Variants in FBXL2 observed in about 807,000 individuals in gnomAD.
FBXL2 encodes the protein F-box/LRR-repeat protein 2.
A neutral mutation model predicts 69.2 loss-of-function variants in FBXL2; 38 were observed. The observed-to-expected ratio is 0.55, with a 90% CI of 0.42 to 0.72. The LOEUF (loss-of-function observed/expected upper bound fraction) is 0.72, where lower values mean the gene tolerates loss of function less well. Ranked by LOEUF, FBXL2 falls within the 30% of genes least tolerant of loss-of-function variation. The pLI is 0.00. For synonymous variants in FBXL2, 192 were observed against 201.3 expected (o/e 0.95, Z 0.39); for missense variants, 354 against 520.3 (o/e 0.68, Z 3.11).
intron 2 of FBXL2, among the ~76,000 whole-genome samples, chr3:33,309,335 T>C (rs1175680475): frequency 1.3e-5 from 2 of 152,246 alleles, no homozygotes; most frequent in Non-Finnish European, 2.9e-5. Context: ...ATTCTATTGA[T>C]GAATTGATCC....
intron 2 of FBXL2, among the ~76,000 whole-genome samples, chr3:33,334,970 G>A (rs181499989): frequency 1.3e-5 from 2 of 152,104 alleles, no homozygotes. Flanking sequence ...GCATGGTGGT[G>A]CATACCTGTG....
chr3:33,321,712 G>A (rs2038237913), intron 2 of FBXL2, among the ~76,000 whole-genome samples: 1 of 152,186 alleles, frequency 6.6e-6, no homozygotes, highest in Non-Finnish European at 1.5e-5. Context: ...AGGCTGTATG[G>A]TATAGCGTGT....
intron 2 of FBXL2, among the ~76,000 whole-genome samples, chr3:33,343,423 T>C (rs577673750): frequency 6.6e-6 from 1 of 152,114 alleles, no homozygotes; most frequent in Admixed American, 6.5e-5. Context: ...TTTAGATTAA[T>C]AAAAAACTTT....
At chr3:33,400,958 T>A (rs2044205040) in intron 12 of FBXL2, 2 of 1,593,436 alleles carry the variant, frequency 1.3e-6, no homozygotes, top group East Asian at 4.6e-5. Context: ...AGAAAGATAC[T>A]TACTTCACCA....
At chr3:33,315,538 A>G (rs912951529) in intron 2 of FBXL2, among the ~76,000 whole-genome samples, 2 of 151,718 alleles carry the variant, frequency 1.3e-5, no homozygotes, top group East Asian at 1.9e-4. Context: ...GAGGGTCTAC[A>G]GGACTGGAAC....
At position 33,364,799 on chromosome 3, in the gene FBXL2, CTCT is replaced by C. The variant is rs558054986; in HGVS notation, c.290+87_290+89del. ...AAAAATAAACCAAGCCTATTACATGCTCTTCTTCTGTTAAAATTCTTTCTGTGG... is the reference window on the plus strand; with the variant it reads ...AAAAATAAACCAAGCCTATTACATGCTCTTCTGTTAAAATTCTTTCTGTGG... On this transcript the variant is annotated intron_variant, in intron 5 of 14. Transcript: ENST00000484457. 7.0e-5 allele frequency: 81 copies of C among 1,161,888 alleles called. No individual in the cohort carries two copies. In the East Asian group the frequency reaches 1.1e-3, roughly 15 times the overall value. 72.0% of individuals were successfully genotyped at this position (1,161,888 alleles called of 1,614,324 possible).
intron 13 of FBXL2, chr3:33,382,540 T>C (rs2043133716): frequency 6.6e-6 from 1 of 152,266 alleles, no homozygotes; most frequent in Non-Finnish European, 1.5e-5. Context: ...TTGTATATTG[T>C]TCATTCTCAC....
In FBXL2 at chr3:33,361,453, A is replaced by G. The variant is rs942997095; in HGVS notation, c.195+2096A>G. 5.9e-5 allele frequency among the ~76,000 whole-genome samples: 9 copies of G among 152,100 alleles called. No individual in the cohort carries two copies. The South Asian group carries it at 6.2e-4, about 11-fold the overall frequency. On this transcript the variant is annotated intron_variant, in intron 4 of 14. Transcript: ENST00000484457. ...CTGAGCCCAGGGGGCAGAGGTTGCA[A>G]TGAGCTCTGATTGTGCCATTGCACT...
At chr3:33,408,279 T>C (rs1230951943), downstream of FBXL2, among the ~76,000 whole-genome samples, 1 of 152,064 alleles carries the variant, frequency 6.6e-6, no homozygotes, top group Non-Finnish European at 1.5e-5. Context: ...AGTATACACA[T>C]GAGAAAGCAA....
intron 5 of FBXL2, among the ~76,000 whole-genome samples, chr3:33,367,888 C>T (rs963099827): frequency 6.6e-6 from 1 of 152,028 alleles, no homozygotes; most frequent in African/African-American, 2.4e-5. Context: ...AAAATTTATG[C>T]CACAAATTCT....
At chr3:33,309,331 T>C (rs2036987090) in intron 2 of FBXL2, among the ~76,000 whole-genome samples, 3 of 152,248 alleles carry the variant, frequency 2.0e-5, no homozygotes. Context: ...TTATATTCTA[T>C]TGATGAATTG....
At chr3:33,356,997 G>A (rs1220418656) in intron 2 of FBXL2, among the ~76,000 whole-genome samples, 2 of 152,118 alleles carry the variant, frequency 1.3e-5, no homozygotes, top group African/African-American at 4.8e-5. Flanking sequence ...GACTACCTGG[G>A]TTCAAATCCT....
chr3:33,385,147 T>A (rs1421054605), intron 14 of FBXL2, among the ~76,000 whole-genome samples: 1 of 152,196 alleles, frequency 6.6e-6, no homozygotes, highest in Non-Finnish European at 1.5e-5. Context: ...GCTTTTTCCA[T>A]ATAGTTCACC....
chr3:33,280,192 G>A (rs745532636), intron 1 of FBXL2, among the ~76,000 whole-genome samples: 1 of 152,112 alleles, frequency 6.6e-6, no homozygotes, highest in Non-Finnish European at 1.5e-5. Flanking sequence ...ATAAAGACAT[G>A]AATTAGATCA....
intron 1 of FBXL2, among the ~76,000 whole-genome samples, chr3:33,280,089 G>A (rs1213465331): frequency 6.6e-6 from 1 of 152,128 alleles, no homozygotes; most frequent in East Asian, 1.9e-4. Flanking sequence ...CCTGGCACTG[G>A]GTTAGATACT....
At chr3:33,346,111 C>T (rs2040412781) in intron 2 of FBXL2, among the ~76,000 whole-genome samples, 1 of 152,082 alleles carries the variant, frequency 6.6e-6, no homozygotes, top group Admixed American at 6.5e-5. Flanking sequence ...CTTGTAATCC[C>T]AGCTACTTGG....
chr3:33,362,797 C>CT (rs58449041), intron 4 of FBXL2, among the ~76,000 whole-genome samples: 3,747 of 144,654 alleles, frequency 0.026, 72 homozygotes, highest in Admixed American at 0.06. Flanking sequence ...TGTAGAGCTG[C>CT]TTTTTTTTTT....
intron 2 of FBXL2, among the ~76,000 whole-genome samples, chr3:33,342,377 GC>G (rs1344803961): frequency 1.3e-5 from 2 of 150,988 alleles, no homozygotes; most frequent in African/African-American, 4.9e-5. Context: ...AAAATTTAAA[GC>G]TTATGAATGA....
At chr3:33,351,482 G>A (rs1374098606) in intron 2 of FBXL2, among the ~76,000 whole-genome samples, 1 of 151,994 alleles carries the variant, frequency 6.6e-6, no homozygotes, top group Non-Finnish European at 1.5e-5. Flanking sequence ...TCTATATGAG[G>A]AAAACTACAA....
Sources: gnomAD v4.1 joint callset for allele counts (sites outside exome capture counted in the v4.1 genomes callset) on GRCh38, gnomAD v4.1.1 for gene constraint, MANE v1.5 for transcripts, NCBI Gene and HGNC (gene_info 2026-07-23, HGNC 2026-07-21) for gene names.